The following ENTREP2 variants were observed in gnomAD, a reference collection of about 807,000 sequenced individuals.
ENTREP2 encodes endosomal transmembrane epsin interactor 2.
the ENTREP2 span, among the ~76,000 whole-genome samples, chr15:29,157,732 T>C: frequency 5.0e-4 from 2 of 3,998 alleles, no homozygotes. Flanking sequence ...TAGCGACATC[T>C]TTTTTTTTTT....
the ENTREP2 span, among the ~76,000 whole-genome samples, chr15:29,287,479 CT>C: frequency 3.3e-5 from 5 of 151,722 alleles, no homozygotes; most frequent in African/African-American, 1.2e-4. Flanking sequence ...TTTGAGGTGG[CT>C]TGTGGCACAG....
the ENTREP2 span, among the ~76,000 whole-genome samples, chr15:29,395,705 T>G: frequency 0.12 from 17,492 of 151,630 alleles, 1,670 homozygotes; most frequent in African/African-American, 0.27. Flanking sequence ...TTTTCGTATT[T>G]TTTTTTCTCA....
At chr15:29,167,590 G>A in the ENTREP2 span, among the ~76,000 whole-genome samples, 1 of 151,216 alleles carries the variant, frequency 6.6e-6, no homozygotes. Context: ...TAATGATCAG[G>A]GAAATGCAAA....
At chr15:29,400,540 G>A in the ENTREP2 span, among the ~76,000 whole-genome samples, 1 of 152,216 alleles carries the variant, frequency 6.6e-6, no homozygotes, top group Non-Finnish European at 1.5e-5. Flanking sequence ...AGGGCAACTG[G>A]CTAGCCACTT....
the ENTREP2 span, among the ~76,000 whole-genome samples, chr15:29,522,050 T>C: frequency 1.3e-5 from 2 of 152,168 alleles, no homozygotes; most frequent in Non-Finnish European, 1.5e-5. Context: ...CAACAAATGG[T>C]GCTGGAAAAA....
chr15:29,418,432 T>C, the ENTREP2 span, among the ~76,000 whole-genome samples: 1 of 152,260 alleles, frequency 6.6e-6, no homozygotes, highest in South Asian at 2.1e-4. Flanking sequence ...CTTAGAATCC[T>C]TCTAACACAG....
chr15:29,625,332 A>C, the ENTREP2 span, among the ~76,000 whole-genome samples: 1 of 152,178 alleles, frequency 6.6e-6, no homozygotes, highest in African/African-American at 2.4e-5. Flanking sequence ...CTGTGAGTGT[A>C]CAAGTTTGTG....
chr15:29,382,747 C>A, the ENTREP2 span, among the ~76,000 whole-genome samples: 1 of 152,196 alleles, frequency 6.6e-6, no homozygotes, highest in Non-Finnish European at 1.5e-5. Flanking sequence ...TGAGGCCAGG[C>A]AACCTGAGGA....
the ENTREP2 span, among the ~76,000 whole-genome samples, chr15:29,119,720 G>A: frequency 6.9e-6 from 1 of 145,676 alleles, no homozygotes; most frequent in East Asian, 2.0e-4. Flanking sequence ...TACAATTCTC[G>A]ACGTGGCCAA....
At chr15:29,329,337 T>C in the ENTREP2 span, among the ~76,000 whole-genome samples, 2 of 149,268 alleles carry the variant, frequency 1.3e-5, no homozygotes, top group Non-Finnish European at 3.0e-5. Context: ...CACTCCAGCC[T>C]GGGTGACAGA....
chr15:29,246,972 G>GACACAC, the ENTREP2 span, among the ~76,000 whole-genome samples: 1 of 54,988 alleles, frequency 1.8e-5, no homozygotes, highest in African/African-American at 5.1e-5. Context: ...TGACTGGAAA[G>GACACAC]GCACACACAC....
At chr15:29,524,873 G>C in the ENTREP2 span, among the ~76,000 whole-genome samples, 1 of 152,250 alleles carries the variant, frequency 6.6e-6, no homozygotes. Context: ...CCATACAAGG[G>C]AGGGGACCCA....
chr15:29,128,732 G>C, the ENTREP2 span: 1 of 1,284,938 alleles, frequency 7.8e-7, no homozygotes, highest in African/African-American at 1.5e-5. Flanking sequence ...GGACGAAAAA[G>C]AGACACCCTT....
the ENTREP2 span, among the ~76,000 whole-genome samples, chr15:29,213,691 T>G: frequency 2.6e-5 from 4 of 152,138 alleles, no homozygotes; most frequent in African/African-American, 7.2e-5. Flanking sequence ...GATTTTGGGC[T>G]GAGATGATGG....
At chr15:29,124,672 AAAG>A in the ENTREP2 span, 1 of 1,549,676 alleles carries the variant, frequency 6.5e-7, no homozygotes, top group Non-Finnish European at 8.7e-7. Flanking sequence ...GCGCTTTAGA[AAAG>A]AAGCGTCTCA....
At chr15:29,304,600 A>C in the ENTREP2 span, among the ~76,000 whole-genome samples, 3 of 152,184 alleles carry the variant, frequency 2.0e-5, no homozygotes, top group Non-Finnish European at 4.4e-5. Flanking sequence ...CACCAACCAG[A>C]GTGGGCCTTT....
chr15:29,651,828 C>T, the ENTREP2 span, among the ~76,000 whole-genome samples: 1 of 152,252 alleles, frequency 6.6e-6, no homozygotes, highest in South Asian at 2.1e-4. Context: ...CAGCTTGGTG[C>T]TGGCCTGCAG....
At chr15:29,392,288 A>G in the ENTREP2 span, among the ~76,000 whole-genome samples, 1 of 152,100 alleles carries the variant, frequency 6.6e-6, no homozygotes, top group African/African-American at 2.4e-5. Flanking sequence ...CATGCTTTTA[A>G]AAACCTTATT....
At chr15:29,237,487 T>C in the ENTREP2 span, among the ~76,000 whole-genome samples, 3 of 152,164 alleles carry the variant, frequency 2.0e-5, no homozygotes, top group African/African-American at 7.2e-5. Context: ...TCCCATTAGG[T>C]TGGTTTTTAT....
Sources: gnomAD v4.1 joint callset for allele counts (sites outside exome capture counted in the v4.1 genomes callset) on GRCh38, gnomAD v4.1.1 for gene constraint, MANE v1.5 for transcripts, NCBI Gene and HGNC (gene_info 2026-07-23, HGNC 2026-07-21) for gene names.